SYTL3: variants seen among roughly 807,000 people sequenced by gnomAD.
SYTL3 encodes the protein synaptotagmin like 3.
Under a neutral mutation model 82.1 loss-of-function variants are expected in SYTL3, and 88 were observed. That is an observed-to-expected ratio of 1.07 (90% CI 0.90 to 1.28). The LOEUF is 1.28. Among genes scored for constraint, SYTL3 ranks in the 50% most tolerant of loss-of-function variants. The pLI, the probability that SYTL3 is intolerant of heterozygous loss-of-function variation, is 0.00. For missense variants in SYTL3, 831 were observed against 757.6 expected, an observed-to-expected ratio of 1.10 and a Z score of -1.14; for synonymous variants, 311 against 289.4, an observed-to-expected ratio of 1.07 and a Z score of -0.76.
intron 4 of SYTL3, 60 bp downstream of exon 4, chr6:158,663,438 C>T (rs1369338105): frequency 3.4e-5 from 54 of 1,587,910 alleles, no homozygotes; most frequent in Non-Finnish European, 4.4e-5. Context: ...TTGGGGCCTG[C>T]CACTCCGTCG....
rs564705517 is a variant in SYTL3 at position 158,764,606 on chromosome 6, A to G, written c.*2A>G. The G allele has an allele frequency of 5.2e-5, 84 of 1,609,206 alleles. No homozygotes were observed. In the South Asian group the frequency reaches 7.7e-4, roughly 15 times the overall value. On this transcript the variant is annotated 3_prime_UTR_variant, in exon 18 of 18. Transcript: ENST00000611299. Reference sequence around the variant, plus strand: ...GACATGACTCTTGTCCTGCACTGACATGAAGGCCTCAAGGTTCCAGGTTGC... The same window carrying G: ...GACATGACTCTTGTCCTGCACTGACGTGAAGGCCTCAAGGTTCCAGGTTGC...
chr6:158,666,687 A>G (rs1205486149), intron 5 of SYTL3, among the ~76,000 whole-genome samples: 2 of 152,358 alleles, frequency 1.3e-5, no homozygotes, highest in East Asian at 3.9e-4. Flanking sequence ...TGTGGGAGGC[A>G]CTTACACAGT....
chr6:158,732,498 C>T (rs1001013372), intron 11 of SYTL3, among the ~76,000 whole-genome samples: 2 of 152,202 alleles, frequency 1.3e-5, no homozygotes, highest in African/African-American at 2.4e-5. Context: ...GTCCTCTAAT[C>T]GACAAGACGT....
rs112796464 is a variant in SYTL3, at chr6:158,712,951, C to T, written c.517-849C>T. The stretch of plus-strand genomic sequence containing the variant: ...TTTTTTTTTGTATTTTTAGTAGAGA[C>T]GGGGTTTCACGTGTTAGCCAGGATG... On this transcript the variant is annotated intron_variant, in intron 8 of 17. Coordinates refer to ENST00000611299, the MANE Select transcript of SYTL3 (RefSeq NM_001242394.2). Among the ~76,000 whole-genome samples the T allele has an allele frequency of 1.9e-3, 284 of 151,826 alleles. 1 individual carries two copies. The highest frequency in any genetic ancestry group is 6.4e-3 in the African/African-American group (265 of 41,430).
chr6:158,743,770 T>A (rs1051199893), intron 11 of SYTL3, among the ~76,000 whole-genome samples: 1 of 151,614 alleles, frequency 6.6e-6, no homozygotes, highest in Admixed American at 6.6e-5. Context: ...TGTGTAAAAA[T>A]TTTACATTGT....
At chr6:158,712,717 A>G (rs764080753) in intron 8 of SYTL3, among the ~76,000 whole-genome samples, 7 of 151,998 alleles carry the variant, frequency 4.6e-5, no homozygotes, top group Non-Finnish European at 1.0e-4. Flanking sequence ...TAATGCTGAT[A>G]AGAGAGAAGA....
intron 10 of SYTL3, among the ~76,000 whole-genome samples, chr6:158,725,212 AC>A (rs1260546243): frequency 6.6e-6 from 1 of 152,240 alleles, no homozygotes; most frequent in African/African-American, 2.4e-5. Flanking sequence ...TGGACTTAAG[AC>A]TTTTACTAAT....
chr6:158,661,578 A>G lies in SYTL3; in HGVS notation c.-520+193A>G, dbSNP rs1310495555. 5.9e-5 allele frequency among the ~76,000 whole-genome samples: 9 copies of G among 152,248 alleles called. No individual in the cohort carries two copies. In the South Asian group the frequency reaches 1.2e-3, roughly 21 times the overall value. ...TAATATATTTTAATTTTATTTTACA[A>G]TAGGGAAACTGACAAATATTGAATT... On this transcript the variant is annotated intron_variant, in intron 3 of 17. Coordinates refer to ENST00000611299, the MANE Select transcript of SYTL3 (RefSeq NM_001242394.2).
chr6:158,747,621 T>TA (rs1223504536), intron 12 of SYTL3, among the ~76,000 whole-genome samples: 2 of 152,206 alleles, frequency 1.3e-5, no homozygotes, highest in African/African-American at 4.8e-5. Flanking sequence ...TGTAGGAGGC[T>TA]AAATTTGTAA....
In SYTL3 at chr6:158,711,069, C is replaced by T. The variant is rs181548422; in HGVS notation, c.516+2678C>T. Among the ~76,000 whole-genome samples, 465 of 151,922 alleles carry T rather than the reference C, an allele frequency of 3.1e-3. 2 individuals are homozygous for T. Among genetic ancestry groups the T allele is most frequent in the Middle Eastern group, 6.8e-3 (2 of 294 alleles). On this transcript the variant is annotated intron_variant, in intron 8 of 17. Transcript: ENST00000611299. ...CGCTGGGGTTACAGGCGTGAGCCAC[C>T]TCGCCCAGCCAGGTCTACGCATTTT...
chr6:158,695,326 G>A (rs1180548156), intron 6 of SYTL3, among the ~76,000 whole-genome samples: 1 of 152,194 alleles, frequency 6.6e-6, no homozygotes, highest in Non-Finnish European at 1.5e-5. Flanking sequence ...CCAAGGTGAA[G>A]TAATTGAACT....
chr6:158,741,553 T>C (rs985068403), intron 11 of SYTL3, among the ~76,000 whole-genome samples: 3 of 152,186 alleles, frequency 2.0e-5, no homozygotes, highest in Admixed American at 2.0e-4. Context: ...CTGTGGTGGA[T>C]CAGACTGACA....
intron 5 of SYTL3, among the ~76,000 whole-genome samples, chr6:158,666,756 G>A (rs968832181): frequency 1.3e-5 from 2 of 152,174 alleles, no homozygotes; most frequent in South Asian, 4.1e-4. Flanking sequence ...TTTAACGCAC[G>A]CCCTGGCATT....
Position 158,669,304 on chromosome 6 carries a change from A to T in SYTL3, c.329+3691A>T, listed in dbSNP as rs577243120. Among the ~76,000 whole-genome samples, 4 of 151,318 alleles carry T rather than the reference A, an allele frequency of 2.6e-5. No individual in the cohort carries two copies. In the Admixed American group the frequency reaches 2.7e-4, roughly 10 times the overall value. ...TCTTCTCCCTTAAGATTGCTGAGGA[A>T]TTACTCTTGTTCAGACTTGTTTCCT... On this transcript the variant is annotated intron_variant, in intron 5 of 17. Coordinates refer to ENST00000611299, the MANE Select transcript of SYTL3 (RefSeq NM_001242394.2).
chr6:158,758,596 T>G (rs1040313248), intron 14 of SYTL3, among the ~76,000 whole-genome samples: 2 of 152,194 alleles, frequency 1.3e-5, no homozygotes, highest in Non-Finnish European at 2.9e-5. Flanking sequence ...TATCTCTGCC[T>G]GGAAGCTTCT....
intron 8 of SYTL3, among the ~76,000 whole-genome samples, chr6:158,711,376 A>G (rs147625169): frequency 1.3e-5 from 2 of 152,278 alleles, no homozygotes; most frequent in African/African-American, 4.8e-5. Flanking sequence ...TAGGATATGT[A>G]TATAGATACA....
At chr6:158,706,914 TA>T (rs1352340823) in intron 6 of SYTL3, among the ~76,000 whole-genome samples, 3 of 152,326 alleles carry the variant, frequency 2.0e-5, no homozygotes, top group African/African-American at 7.2e-5. Flanking sequence ...CAACTTTTAA[TA>T]AAAGTAGTCA....
At chr6:158,751,109 C>A (rs995929151) in intron 12 of SYTL3, among the ~76,000 whole-genome samples, 1 of 152,044 alleles carries the variant, frequency 6.6e-6, no homozygotes, top group Non-Finnish European at 1.5e-5. Flanking sequence ...TGGCCGATTT[C>A]GAGTATTTTC....
chr6:158,697,277 G>GAAAAAA (rs35335929), intron 6 of SYTL3, among the ~76,000 whole-genome samples: 1 of 94,500 alleles, frequency 1.1e-5, no homozygotes, highest in East Asian at 3.3e-4. Flanking sequence ...CATCTCTACG[G>GAAAAAA]AAAAAAAAAA....
Sources: gnomAD v4.1 joint callset for allele counts (sites outside exome capture counted in the v4.1 genomes callset) on GRCh38, gnomAD v4.1.1 for gene constraint, MANE v1.5 for transcripts, NCBI Gene and HGNC (gene_info 2026-07-23, HGNC 2026-07-21) for gene names.